DCLK1: variants seen among roughly 807,000 people sequenced by gnomAD.
The protein encoded by DCLK1 is serine/threonine-protein kinase DCLK1.
Under a neutral mutation model 86.2 loss-of-function variants are expected in DCLK1, and 16 were observed. The ratio of observed to expected loss-of-function variants is 0.19; its 90% CI spans 0.13 to 0.28. DCLK1 has a LOEUF of 0.28. Ranked by LOEUF, DCLK1 falls within the 10% of genes least tolerant of loss-of-function variation. The pLI is 1.00. For missense variants in DCLK1, 590 were observed against 940.2 expected, an observed-to-expected ratio of 0.63 and a Z score of 4.87; for synonymous variants, 369 against 370.5, an observed-to-expected ratio of 1.00 and a Z score of 0.05.
intron 3 of DCLK1, among the ~76,000 whole-genome samples, chr13:36,089,896 A>G (rs1477580154): frequency 4.6e-5 from 7 of 152,228 alleles, no homozygotes; most frequent in African/African-American, 7.2e-5. Context: ...CCTGGTGACT[A>G]ATCATTATTT....
At chr13:35,896,031 G>A (rs886250956) in intron 4 of DCLK1, among the ~76,000 whole-genome samples, 4 of 151,822 alleles carry the variant, frequency 2.6e-5, no homozygotes, top group Non-Finnish European at 5.9e-5. Flanking sequence ...TACAAGTAAG[G>A]CGCTTTGTTT....
chr13:35,861,611 C>A (rs1299371557), intron 5 of DCLK1, among the ~76,000 whole-genome samples: 2 of 148,738 alleles, frequency 1.3e-5, no homozygotes, highest in Admixed American at 6.8e-5. Flanking sequence ...AGTTCTCATG[C>A]TACCTGACAT....
chr13:35,939,547 G>C (rs1186855924), intron 4 of DCLK1, among the ~76,000 whole-genome samples: 1 of 152,172 alleles, frequency 6.6e-6, no homozygotes, highest in African/African-American at 2.4e-5. Context: ...TGGAACTACA[G>C]GTGTGCTCCA....
intron 5 of DCLK1, among the ~76,000 whole-genome samples, chr13:35,857,511 T>A (rs1320973529): frequency 6.6e-6 from 1 of 152,164 alleles, no homozygotes; most frequent in Admixed American, 6.5e-5. Flanking sequence ...CCCTGAACTC[T>A]CTCTCTCAGG....
chr13:36,008,786 G>A (rs1030813502), intron 3 of DCLK1, among the ~76,000 whole-genome samples: 11 of 151,610 alleles, frequency 7.3e-5, no homozygotes, highest in African/African-American at 2.2e-4. Flanking sequence ...CTAGATCCCT[G>A]AGAAATCGCC....
chr13:35,817,313 C>A (rs1222450903), intron 11 of DCLK1, among the ~76,000 whole-genome samples: 2 of 152,086 alleles, frequency 1.3e-5, no homozygotes, highest in Admixed American at 1.3e-4. Context: ...CTAAATAATG[C>A]TTTGGGAAAA....
intron 3 of DCLK1, among the ~76,000 whole-genome samples, chr13:36,100,748 G>A (rs1161285172): frequency 6.6e-6 from 1 of 152,040 alleles, no homozygotes; most frequent in East Asian, 1.9e-4. Context: ...GAATTAAATA[G>A]GCGACACCCC....
chr13:35,973,020 A>G (rs1879146025), intron 3 of DCLK1, among the ~76,000 whole-genome samples: 1 of 152,094 alleles, frequency 6.6e-6, no homozygotes, highest in South Asian at 2.1e-4. Flanking sequence ...CTGAGTCAGC[A>G]CCCAGTACAT....
At chr13:35,926,784 T>C (rs1876149773) in intron 4 of DCLK1, among the ~76,000 whole-genome samples, 1 of 152,238 alleles carries the variant, frequency 6.6e-6, no homozygotes, top group Non-Finnish European at 1.5e-5. Flanking sequence ...CTTTTGTCTC[T>C]CTTTTACTGT....
At chr13:35,914,330 AAAAT>A (rs1449349681) in intron 4 of DCLK1, among the ~76,000 whole-genome samples, 16,481 of 90,062 alleles carry the variant, frequency 0.18, 1,235 homozygotes, top group African/African-American at 0.28. Flanking sequence ...AGAAAAAAAA[AAAAT>A]ATATATATAT....
chr13:36,116,136 G>A (rs1593904977), intron 2 of DCLK1, among the ~76,000 whole-genome samples: 1 of 151,594 alleles, frequency 6.6e-6, no homozygotes, highest in East Asian at 2.0e-4. Context: ...TTTTAGTAGA[G>A]ACAGGATTTC....
chr13:36,095,723 C>G (rs1884993419), intron 3 of DCLK1, among the ~76,000 whole-genome samples: 1 of 151,852 alleles, frequency 6.6e-6, no homozygotes, highest in Non-Finnish European at 1.5e-5. Context: ...GCTACCTCAT[C>G]TGAGAAGCAT....
chr13:35,817,511 C>A (rs1383113582), intron 11 of DCLK1, among the ~76,000 whole-genome samples: 1 of 152,124 alleles, frequency 6.6e-6, no homozygotes, highest in Non-Finnish European at 1.5e-5. Flanking sequence ...CTAAAGTTAA[C>A]CCTAAATCTC....
intron 3 of DCLK1, among the ~76,000 whole-genome samples, chr13:36,028,222 C>T (rs1593830481): frequency 6.6e-6 from 1 of 152,172 alleles, no homozygotes. Flanking sequence ...AATGGATACA[C>T]CACTTGTAGT....
At chr13:35,914,367 A>ATACG (rs1875270137) in intron 4 of DCLK1, among the ~76,000 whole-genome samples, 2 of 10,876 alleles carry the variant, frequency 1.8e-4, no homozygotes, top group African/African-American at 4.5e-4. Flanking sequence ...ATATATATAT[A>ATACG]TGTATATATA....
chr13:35,923,740 C>A lies in DCLK1; in HGVS notation c.823+23618G>T, dbSNP rs188477655. 2.6e-5 allele frequency among the ~76,000 whole-genome samples: 4 copies of A among 152,138 alleles called. No homozygotes were observed. In the East Asian group the frequency reaches 7.7e-4, roughly 29 times the overall value. ...CAGTTCCTGTATTACTAAGCATTAA[C>A]GTGTTAGACATAAGCCACACACCTG... On this transcript the variant is annotated intron_variant, in intron 4 of 16. Coordinates refer to ENST00000360631, the MANE Select transcript of DCLK1 (RefSeq NM_001330071.2).
At chr13:35,987,448 G>A (rs1489509352) in intron 3 of DCLK1, among the ~76,000 whole-genome samples, 2 of 152,048 alleles carry the variant, frequency 1.3e-5, no homozygotes, top group Non-Finnish European at 2.9e-5. Context: ...GCCAGCCACT[G>A]GGCTTCATCT....
At chr13:35,945,020 C>T (rs898976381) in intron 4 of DCLK1, among the ~76,000 whole-genome samples, 1 of 152,146 alleles carries the variant, frequency 6.6e-6, no homozygotes, top group Admixed American at 6.5e-5. Flanking sequence ...CCTGCCTAAG[C>T]CTCCTGAGTA....
At chr13:36,004,474 G>A (rs1177065289) in intron 3 of DCLK1, among the ~76,000 whole-genome samples, 1 of 152,158 alleles carries the variant, frequency 6.6e-6, no homozygotes, top group Non-Finnish European at 1.5e-5. Context: ...TGGGGGAAAA[G>A]AAATAGAATA....
Sources: allele counts gnomAD v4.1 joint callset (sites outside exome capture counted in the v4.1 genomes callset), GRCh38; gene constraint gnomAD v4.1.1; transcripts MANE v1.5; gene names NCBI Gene and HGNC (gene_info 2026-07-23, HGNC 2026-07-21).